C12orf56: variants seen among roughly 807,000 people sequenced by gnomAD.
C12orf56 encodes the protein chromosome 12 open reading frame 56, also known as uncharacterized protein C12orf56.
C12orf56 carries 71 observed loss-of-function variants against 69.9 expected under a neutral mutation model. That is an observed-to-expected ratio of 1.02 (90% CI 0.84 to 1.24). C12orf56 has a LOEUF of 1.24. Among genes scored for constraint, C12orf56 ranks in the 50% most tolerant of loss-of-function variants. The pLI, the probability that C12orf56 is intolerant of heterozygous loss-of-function variation, is 0.00. For synonymous variants in C12orf56, 276 were observed against 274.1 expected, an observed-to-expected ratio of 1.01 and a Z score of -0.07; for missense variants, 732 against 738.5, an observed-to-expected ratio of 0.99 and a Z score of 0.10.
At chr12:64,389,852 A>C (rs1415768703) in intron 1 of C12orf56, among the ~76,000 whole-genome samples, 2 of 152,184 alleles carry the variant, frequency 1.3e-5, no homozygotes, top group African/African-American at 2.4e-5. Context: ...GGGGCAAAAA[A>C]GTAAATGAGA....
At chr12:64,345,148 CT>C (rs2039123707) in intron 2 of C12orf56, among the ~76,000 whole-genome samples, 1 of 152,150 alleles carries the variant, frequency 6.6e-6, no homozygotes, top group South Asian at 2.1e-4. Context: ...TGGGGTCATA[CT>C]CTCAACCTCC....
At position 64,361,919 on chromosome 12, in the gene C12orf56, A is replaced by G. The variant is rs977331178; in HGVS notation, c.253-8863T>C. Among the ~76,000 whole-genome samples, 5 of 152,010 alleles carry G rather than the reference A, an allele frequency of 3.3e-5. No homozygotes were observed. In the East Asian group the frequency reaches 7.7e-4, roughly 24 times the overall value. On this transcript the variant is annotated intron_variant, in intron 1 of 12. Transcript: ENST00000543942. ...AGCTAATTTTGTATTTTTAATAGAG[A>G]TGGGGTTTCTCCATGTTGGTCAGGC...
chr12:64,283,955 T>C (rs1281262454), intron 8 of C12orf56, among the ~76,000 whole-genome samples: 1 of 144,704 alleles, frequency 6.9e-6, no homozygotes, highest in African/African-American at 2.5e-5. Flanking sequence ...TAGAGTGCAA[T>C]GGTGTGATCT....
At chr12:64,333,729 T>C (rs1455135374) in intron 2 of C12orf56, among the ~76,000 whole-genome samples, 2 of 152,148 alleles carry the variant, frequency 1.3e-5, no homozygotes, top group African/African-American at 4.8e-5. Context: ...CTCAAACTGC[T>C]GATCTCAAGT....
At chr12:64,285,150 G>A (rs932957996) in intron 7 of C12orf56, among the ~76,000 whole-genome samples, 2 of 149,118 alleles carry the variant, frequency 1.3e-5, no homozygotes, top group Non-Finnish European at 3.0e-5. Context: ...TCACACCAAT[G>A]CACTCCCTCT....
chr12:64,330,875 G>T, intron 3 of C12orf56, 85 bp downstream of exon 3: 1 of 1,148,418 alleles, frequency 8.7e-7, no homozygotes, highest in Non-Finnish European at 1.2e-6. Context: ...GCCATTAGTA[G>T]AGAAAAAAAA....
Position 64,318,558 on chromosome 12 carries a change from C to T in C12orf56, c.894+17G>A, listed in dbSNP as rs753967664. On this transcript the variant is annotated intron_variant, in intron 4 of 12. Coordinates refer to ENST00000543942, the MANE Select transcript of C12orf56 (RefSeq NM_001170633.2). Reference sequence around the variant, plus strand: ...ATATAAAAATTCAGGTTAAGGTTAACTTAGGAGGACACTTACTATAATATA... The same window carrying T: ...ATATAAAAATTCAGGTTAAGGTTAATTTAGGAGGACACTTACTATAATATA... 6 of 1,501,270 alleles carry T rather than the reference C, an allele frequency of 4.0e-6. No individual in the cohort carries two copies. The highest frequency in any genetic ancestry group is 1.3e-5 in the South Asian group (1 of 79,076). The allele number at this position is 1,501,270 out of a possible 1,614,324, so 93.0% of individuals were successfully genotyped here.
At chr12:64,336,009 CTA>C (rs2038992009) in intron 2 of C12orf56, among the ~76,000 whole-genome samples, 2 of 152,142 alleles carry the variant, frequency 1.3e-5, no homozygotes, top group African/African-American at 2.4e-5. Context: ...CTAGCAATGA[CTA>C]TTATCAAATA....
chr12:64,368,593 A>G (rs1028457089), intron 1 of C12orf56, among the ~76,000 whole-genome samples: 12 of 152,194 alleles, frequency 7.9e-5, no homozygotes, highest in African/African-American at 2.7e-4. Flanking sequence ...GTTCTGAAGG[A>G]AAGCCTTCAG....
intron 6 of C12orf56, among the ~76,000 whole-genome samples, chr12:64,298,921 G>A (rs1483954584): frequency 1.3e-5 from 2 of 152,186 alleles, no homozygotes; most frequent in African/African-American, 4.8e-5. Context: ...TGTGGAGAAA[G>A]TCAATAGGTA....
At chr12:64,319,650 G>T (rs763070970) in intron 3 of C12orf56, among the ~76,000 whole-genome samples, 28 of 152,196 alleles carry the variant, frequency 1.8e-4, no homozygotes, top group Non-Finnish European at 3.4e-4. Context: ...AGCTGGGAAG[G>T]TGACCACTTC....
At chr12:64,297,496 C>A (rs1318768778) in intron 6 of C12orf56, among the ~76,000 whole-genome samples, 2 of 152,070 alleles carry the variant, frequency 1.3e-5, no homozygotes, top group Non-Finnish European at 2.9e-5. Context: ...AACCCGTCAG[C>A]CACATTAGGT....
intron 4 of C12orf56, among the ~76,000 whole-genome samples, chr12:64,318,186 A>T (rs2038713758): frequency 6.6e-6 from 1 of 152,012 alleles, no homozygotes; most frequent in Non-Finnish European, 1.5e-5. Context: ...TCAGCCTCCC[A>T]AATAGCTGGG....
At chr12:64,387,038 A>C (rs1407055147) in intron 1 of C12orf56, among the ~76,000 whole-genome samples, 1 of 131,490 alleles carries the variant, frequency 7.6e-6, no homozygotes, top group Non-Finnish European at 1.6e-5. Flanking sequence ...AGATTGCACC[A>C]CTGCACTCCA....
chr12:64,334,697 T>A (rs1027485943), intron 2 of C12orf56, among the ~76,000 whole-genome samples: 1 of 152,180 alleles, frequency 6.6e-6, no homozygotes, highest in Non-Finnish European at 1.5e-5. Flanking sequence ...GAGCCAATAT[T>A]CACTGCAGCT....
intron 3 of C12orf56, among the ~76,000 whole-genome samples, chr12:64,329,029 C>T (rs1461050482): frequency 6.6e-6 from 1 of 151,354 alleles, no homozygotes; most frequent in Non-Finnish European, 1.5e-5. Context: ...CACACCACTG[C>T]ACCCCAGCCT....
chr12:64,384,872 G>C (rs1286073901), intron 1 of C12orf56, among the ~76,000 whole-genome samples: 1 of 152,012 alleles, frequency 6.6e-6, no homozygotes, highest in Non-Finnish European at 1.5e-5. Flanking sequence ...TGGCCAACAT[G>C]GTGAAACCCC....
At chr12:64,306,468 G>A (rs1361195523) in intron 5 of C12orf56, among the ~76,000 whole-genome samples, 1 of 151,068 alleles carries the variant, frequency 6.6e-6, no homozygotes, top group Non-Finnish European at 1.5e-5. Context: ...CCCAGGCTGG[G>A]TTCAAGCGAT....
At chr12:64,310,258 C>T (rs763593862) in intron 5 of C12orf56, among the ~76,000 whole-genome samples, 12 of 152,104 alleles carry the variant, frequency 7.9e-5, no homozygotes, top group East Asian at 1.9e-4. Flanking sequence ...CCTCCCACTT[C>T]GGTCTCCCAA....
Sources: gnomAD v4.1 joint callset for allele counts (sites outside exome capture counted in the v4.1 genomes callset) on GRCh38, gnomAD v4.1.1 for gene constraint, MANE v1.5 for transcripts, NCBI Gene and HGNC (gene_info 2026-07-23, HGNC 2026-07-21) for gene names.